PTP4A3: variants seen among roughly 807,000 people sequenced by gnomAD.
The protein encoded by PTP4A3 is protein tyrosine phosphatase 4A3.
In PTP4A3, 9 loss-of-function variants were observed where a neutral mutation model predicts 15.2. The observed-to-expected ratio is 0.59, with a 90% confidence interval of 0.36 to 1.03. The LOEUF (loss-of-function observed/expected upper bound fraction) is 1.03, where lower values mean the gene tolerates loss of function less well. Among genes scored for constraint, PTP4A3 ranks in the 50% least tolerant of loss-of-function variants. The pLI is 0.02. For synonymous variants in PTP4A3, 95 were observed against 102.0 expected (o/e 0.93, Z 0.41); for missense variants, 234 against 252.1 (o/e 0.93, Z 0.49).
At position 141,422,212 on chromosome 8, in the gene PTP4A3, C is replaced by G; in HGVS notation, c.-29C>G. ...TCCCCAGCCTTCTCTGCAGTCCCTTCTGCCCTGCCGGGCCCGTCGGGAGGC... is the reference window on the plus strand; with the variant it reads ...TCCCCAGCCTTCTCTGCAGTCCCTTGTGCCCTGCCGGGCCCGTCGGGAGGC... On this transcript the variant is annotated 5_prime_UTR_variant, in exon 2 of 6. Coordinates refer to ENST00000521578, the MANE Select transcript of PTP4A3 (RefSeq NM_032611.3). 5 of 1,611,486 alleles carry G rather than the reference C, an allele frequency of 3.1e-6. No homozygotes were observed. The highest frequency in any genetic ancestry group is 4.2e-6 in the Non-Finnish European group (5 of 1,178,848).
At chr8:141,423,120 C>G (rs1436600052) in intron 2 of PTP4A3, among the ~76,000 whole-genome samples, 1 of 152,160 alleles carries the variant, frequency 6.6e-6, no homozygotes, top group African/African-American at 2.4e-5. Flanking sequence ...GAGTCCTTTC[C>G]CCTGTGACAT....
chr8:141,398,736 CA>C (rs1832511296), intron 1 of PTP4A3, among the ~76,000 whole-genome samples: 1 of 152,030 alleles, frequency 6.6e-6, no homozygotes, highest in South Asian at 2.1e-4. Flanking sequence ...CTGGGCTGCC[CA>C]GGGGACACTT....
At chr8:141,394,350 G>T (rs1832384076) in intron 1 of PTP4A3, among the ~76,000 whole-genome samples, 1 of 152,064 alleles carries the variant, frequency 6.6e-6, no homozygotes, top group African/African-American at 2.4e-5. Flanking sequence ...TTCCATGAAG[G>T]TCCCAAATCT....
Position 141,397,026 on chromosome 8 carries a change from G to T in PTP4A3, c.-854+4942G>T, listed in dbSNP as rs544347628. ...GCCTCTCCTCCCTTGCTGTTTTCCC[G>T]GCCAGGGAGGAAGCCAGGCTGGAAG... On this transcript the variant is annotated intron_variant, in intron 1 of 5. Coordinates refer to ENST00000521578, the MANE Select transcript of PTP4A3 (RefSeq NM_032611.3). 4.3e-4 allele frequency among the ~76,000 whole-genome samples: 65 copies of T among 152,272 alleles called. No individual in the cohort carries two copies. In the South Asian group the frequency reaches 0.013, roughly 31 times the overall value.
Position 141,406,911 on chromosome 8 carries a change from C to T in PTP4A3, c.-853-14477C>T, listed in dbSNP as rs1017196038. Among the ~76,000 whole-genome samples the T allele has an allele frequency of 6.6e-6, 1 of 152,206 alleles. No homozygotes were observed. Among genetic ancestry groups the T allele is most frequent in the Admixed American group, 6.5e-5 (1 of 15,278 alleles). On this transcript the variant is annotated intron_variant, in intron 1 of 5. Transcript: ENST00000521578. This position sits in a 1 kb window ranked among gnomAD's most constrained non-coding sequence, Gnocchi z 4.5. ...GTCATGCAGGTTATGCTTTGAACTT[C>T]CAAAAATGCGCTCAGAAATCTTTCC...
chr8:141,400,074 T>A (rs1411665974), intron 1 of PTP4A3, among the ~76,000 whole-genome samples: 1 of 152,218 alleles, frequency 6.6e-6, no homozygotes, highest in Non-Finnish European at 1.5e-5. Context: ...TGCCCAGCTA[T>A]TTTTTGTAGA....
chr8:141,405,390 C>G (rs1832696983), intron 1 of PTP4A3, among the ~76,000 whole-genome samples: 1 of 152,216 alleles, frequency 6.6e-6, no homozygotes, highest in Non-Finnish European at 1.5e-5. Context: ...CCTCCGGGTC[C>G]CTGAGGTCGG....
At position 141,400,760 on chromosome 8, in the gene PTP4A3, G is replaced by T. The variant is rs566657357; in HGVS notation, c.-854+8676G>T. Among the ~76,000 whole-genome samples, 13 of 152,312 alleles carry T rather than the reference G, an allele frequency of 8.5e-5. No homozygotes were observed. In the South Asian group the frequency reaches 2.7e-3, roughly 32 times the overall value. On this transcript the variant is annotated intron_variant, in intron 1 of 5. Coordinates refer to ENST00000521578, the MANE Select transcript of PTP4A3 (RefSeq NM_032611.3). The stretch of plus-strand genomic sequence containing the variant: ...AGCTCCTGCCTCCCCATAACTCTTG[G>T]GGGGCTGCCCGGGTCCACACTGGCC...
intron 5 of PTP4A3, among the ~76,000 whole-genome samples, chr8:141,430,220 T>TAC (rs1833797412): frequency 3.9e-5 from 2 of 51,158 alleles, no homozygotes; most frequent in Admixed American, 2.2e-4. Context: ...GGTGAGCGCA[T>TAC]AGCCCAGGTC....
intron 3 of PTP4A3, chr8:141,426,680 G>T: frequency 1.0e-6 from 1 of 985,192 alleles, no homozygotes; most frequent in Non-Finnish European, 1.2e-6. Flanking sequence ...TTCAGAAAGG[G>T]GTGGGGTGGT....
At chr8:141,416,052 C>A (rs1030673988) in intron 1 of PTP4A3, among the ~76,000 whole-genome samples, 1 of 151,926 alleles carries the variant, frequency 6.6e-6, no homozygotes, top group Non-Finnish European at 1.5e-5. Context: ...CTCCCAGGCC[C>A]GGCCAGAGGG....
At chr8:141,396,896 G>C (rs960633750) in intron 1 of PTP4A3, among the ~76,000 whole-genome samples, 1 of 152,164 alleles carries the variant, frequency 6.6e-6, no homozygotes, top group Non-Finnish European at 1.5e-5. Flanking sequence ...GTGGATGAAC[G>C]ATCCAGGGAA....
Position 141,432,202 on chromosome 8 carries a change from C to T in PTP4A3, c.*1158C>T, listed in dbSNP as rs1324047195. ...GGGAGTGGTCTCCGTCCTGGGGCCC[C>T]AGGAGGTTCCCGCAAGGAGCGACTG... On this transcript the variant is annotated 3_prime_UTR_variant, in exon 6 of 6. Coordinates refer to ENST00000521578, the MANE Select transcript of PTP4A3 (RefSeq NM_032611.3). 1.3e-5 allele frequency: 2 copies of T among 151,958 alleles called. No homozygotes were observed. The highest frequency in any genetic ancestry group is 2.9e-5 in the Non-Finnish European group (2 of 67,980). The allele number at this position is 151,958 out of a possible 1,614,324, so 9.4% of individuals were successfully genotyped here. A position where few individuals can be genotyped will look rare whatever the true frequency, so the allele number is the denominator to read the frequency against.
Position 141,427,841 on chromosome 8 carries a change from G to A in PTP4A3, c.404+17G>A. Reference sequence around the variant, plus strand: ...CATCCGCCAGTGAGTGGCCGCGGTGGTGGGGTGGGCTGTGAGCGCTGGGGG... The same window carrying A: ...CATCCGCCAGTGAGTGGCCGCGGTGATGGGGTGGGCTGTGAGCGCTGGGGG... On this transcript the variant is annotated intron_variant, in intron 5 of 5. Transcript: ENST00000521578. The A allele has an allele frequency of 6.5e-7, 1 of 1,547,686 alleles. No homozygotes were observed. The highest frequency in any genetic ancestry group is 8.7e-7 in the Non-Finnish European group (1 of 1,145,194).
chr8:141,414,754 T>C (rs1832973523), intron 1 of PTP4A3, among the ~76,000 whole-genome samples: 1 of 151,904 alleles, frequency 6.6e-6, no homozygotes. Context: ...GACTTCTTAG[T>C]GACCGCTCTC....
At chr8:141,398,822 C>T (rs966966827) in intron 1 of PTP4A3, among the ~76,000 whole-genome samples, 9 of 152,056 alleles carry the variant, frequency 5.9e-5, no homozygotes, top group Non-Finnish European at 1.3e-4. Flanking sequence ...GGGCTGGACC[C>T]ACTCTGTCTA....
intron 1 of PTP4A3, among the ~76,000 whole-genome samples, chr8:141,401,812 C>T (rs766260888): frequency 5.9e-5 from 9 of 152,170 alleles, no homozygotes; most frequent in African/African-American, 2.2e-4. Flanking sequence ...GCACGTGGGC[C>T]GGAGCATGGA....
rs2129889598 is a variant in PTP4A3 at position 141,406,135 on chromosome 8, C to T, written c.-854+14051C>T. 6.6e-6 allele frequency among the ~76,000 whole-genome samples: 1 copy of T among 152,242 alleles called. No individual in the cohort carries two copies. Among genetic ancestry groups the T allele is most frequent in the East Asian group, 1.9e-4 (1 of 5,162 alleles). ...TGGTGGGGGCAGTGGTGGGGATACC[C>T]AGGATGCCAGATGGGTATCCCAGAT... On this transcript the variant is annotated intron_variant, in intron 1 of 5. Transcript: ENST00000521578. The surrounding 1 kb of genome is among the most constrained non-coding windows in gnomAD (Gnocchi z 4.5).
At chr8:141,400,172 T>A (rs964514166) in intron 1 of PTP4A3, among the ~76,000 whole-genome samples, 1 of 152,130 alleles carries the variant, frequency 6.6e-6, no homozygotes, top group African/African-American at 2.4e-5. Context: ...GGGATTACAG[T>A]GTGAGCCACT....
Sources: gnomAD v4.1 joint callset for allele counts (sites outside exome capture counted in the v4.1 genomes callset) on GRCh38, gnomAD v4.1.1 for gene constraint, Gnocchi (gnomAD v3.1) non-coding constraint, MANE v1.5 for transcripts, NCBI Gene and HGNC (gene_info 2026-07-23, HGNC 2026-07-21) for gene names.